The following MAP7 variants were observed in gnomAD, a reference collection of about 807,000 sequenced individuals.
The protein encoded by MAP7 is microtubule associated protein 7.
Under a neutral mutation model 94.8 loss-of-function variants are expected in MAP7, and 52 were observed. That is an observed-to-expected ratio of 0.55 (90% CI 0.44 to 0.69). MAP7 has a LOEUF of 0.69. MAP7 is among the 30% of genes least tolerant of loss of function. The pLI is 0.00. For missense variants in MAP7, 940 were observed against 964.6 expected, an observed-to-expected ratio of 0.97 and a Z score of 0.34; for synonymous variants, 350 against 357.0, an observed-to-expected ratio of 0.98 and a Z score of 0.22.
chr6:136,410,374 C>G (rs1787060491), intron 3 of MAP7, among the ~76,000 whole-genome samples: 1 of 152,198 alleles, frequency 6.6e-6, no homozygotes, highest in Non-Finnish European at 1.5e-5. Flanking sequence ...TTCAGCAGCT[C>G]TGCCTTCATC....
chr6:136,485,348 T>C lies in MAP7; in HGVS notation c.68-63549A>G, dbSNP rs149208778. 6.8e-3 allele frequency among the ~76,000 whole-genome samples: 1,034 copies of C among 152,314 alleles called. 18 individuals carry two copies. Among genetic ancestry groups the C allele is most frequent in the African/African-American group, 0.023 (963 of 41,552 alleles). ...TAGTTTTATTATTGCAGGATTGTCT[T>C]TAAAAGATATAGTTACACAATATTG... On this transcript the variant is annotated intron_variant, in intron 1 of 17. Transcript: ENST00000354570.
At chr6:136,456,767 G>GGAGGAATAA (rs1179338276) in intron 1 of MAP7, among the ~76,000 whole-genome samples, 3 of 60,520 alleles carry the variant, frequency 5.0e-5, no homozygotes, top group African/African-American at 2.2e-4. Context: ...AGGAGGAGGA[G>GGAGGAATAA]GAAGAAGAAG....
At chr6:136,395,860 G>C (rs767213186) in intron 3 of MAP7, among the ~76,000 whole-genome samples, 1 of 152,076 alleles carries the variant, frequency 6.6e-6, no homozygotes, top group African/African-American at 2.4e-5. Context: ...AAAATCAGTT[G>C]GCTGTAAATA....
intron 1 of MAP7, among the ~76,000 whole-genome samples, chr6:136,532,182 G>A (rs1388812391): frequency 1.3e-5 from 2 of 152,194 alleles, no homozygotes; most frequent in African/African-American, 4.8e-5. Context: ...AGCGCACTGA[G>A]GAAGTAAAAA....
At chr6:136,397,185 C>T (rs1055871968) in intron 3 of MAP7, among the ~76,000 whole-genome samples, 3 of 151,236 alleles carry the variant, frequency 2.0e-5, no homozygotes, top group African/African-American at 7.3e-5. Flanking sequence ...ATAGGTCATG[C>T]AATATTTTAA....
chr6:136,426,865 C>T (rs569489297), intron 1 of MAP7, among the ~76,000 whole-genome samples: 5 of 152,336 alleles, frequency 3.3e-5, no homozygotes, highest in African/African-American at 9.6e-5. Context: ...CTGTGAACTA[C>T]TTTAGCTTCA....
intron 1 of MAP7, among the ~76,000 whole-genome samples, chr6:136,524,900 A>G (rs939309402): frequency 2.6e-5 from 4 of 152,266 alleles, no homozygotes; most frequent in Non-Finnish European, 4.4e-5. Flanking sequence ...CAAGCTAAAA[A>G]TTAATCAGCA....
At chr6:136,401,482 G>A (rs1244934524) in intron 3 of MAP7, among the ~76,000 whole-genome samples, 5 of 152,174 alleles carry the variant, frequency 3.3e-5, no homozygotes, top group African/African-American at 1.2e-4. Context: ...TCCTTTGTAG[G>A]GACATGGATA....
At chr6:136,351,235 G>GT (rs1457907418) in intron 16 of MAP7, among the ~76,000 whole-genome samples, 2 of 141,572 alleles carry the variant, frequency 1.4e-5, no homozygotes, top group Non-Finnish European at 3.0e-5. Flanking sequence ...TGTTTTGATG[G>GT]TAAAAAAAAA....
chr6:136,500,777 A>T (rs913526216), intron 1 of MAP7, among the ~76,000 whole-genome samples: 15 of 152,200 alleles, frequency 9.9e-5, no homozygotes, highest in African/African-American at 3.1e-4. Flanking sequence ...TTATTTCTCT[A>T]ATTTTTTATT....
At chr6:136,379,942 G>T (rs923115203) in intron 6 of MAP7, among the ~76,000 whole-genome samples, 3 of 152,168 alleles carry the variant, frequency 2.0e-5, no homozygotes, top group African/African-American at 7.2e-5. Context: ...TGGAGACAGA[G>T]CGTCCGTAAG....
rs1006118462 is a variant in MAP7 at position 136,518,874 on chromosome 6, T to C, written c.67+31468A>G. ...ACTTAATTGTGTTTGGTTCCTATGA[T>C]TGGAGGAGTCAGCTCTTTTAGCTCC... On this transcript the variant is annotated intron_variant, in intron 1 of 17. Coordinates refer to ENST00000354570, the MANE Select transcript of MAP7 (RefSeq NM_003980.6). 4.6e-5 allele frequency among the ~76,000 whole-genome samples: 7 copies of C among 152,336 alleles called. 1 individual carries two copies. In the East Asian group the frequency reaches 7.7e-4, roughly 17 times the overall value.
At chr6:136,372,448 C>T (rs1774824843) in intron 8 of MAP7, 53 bp downstream of exon 8, 1 of 1,607,688 alleles carries the variant, frequency 6.2e-7, no homozygotes, top group Non-Finnish European at 8.5e-7. Flanking sequence ...ACAGTCTGCA[C>T]AGGAACAGCA....
chr6:136,355,528 T>A (rs1302342001), intron 16 of MAP7, among the ~76,000 whole-genome samples: 1 of 152,182 alleles, frequency 6.6e-6, no homozygotes, highest in Non-Finnish European at 1.5e-5. Flanking sequence ...GGGACTTACC[T>A]TTTAACTGCT....
chr6:136,540,069 T>C (rs1025906167), intron 1 of MAP7, among the ~76,000 whole-genome samples: 1 of 152,088 alleles, frequency 6.6e-6, no homozygotes, highest in African/African-American at 2.4e-5. Context: ...AGTTGAATAA[T>C]CCTGCTGAGA....
At chr6:136,370,001 A>C (rs1388702941) in intron 8 of MAP7, among the ~76,000 whole-genome samples, 3 of 152,224 alleles carry the variant, frequency 2.0e-5, no homozygotes, top group Non-Finnish European at 2.9e-5. Context: ...AACCTATGGA[A>C]TAGAAGAAAG....
rs73780210 is a variant in MAP7 at position 136,401,991 on chromosome 6, G to A, written c.244+9629C>T. Among the ~76,000 whole-genome samples the A allele has an allele frequency of 4.5e-3, 678 of 152,274 alleles. 4 individuals carry two copies. Among genetic ancestry groups the A allele is most frequent in the African/African-American group, 0.016 (648 of 41,554 alleles). On this transcript the variant is annotated intron_variant, in intron 3 of 17. Coordinates refer to ENST00000354570, the MANE Select transcript of MAP7 (RefSeq NM_003980.6). Reference sequence around the variant, plus strand: ...ATCTTCCTCAAGAAACAGACCTGAAGTCATTGTCGTGCTTGAAAACCTGTT... The same window carrying A: ...ATCTTCCTCAAGAAACAGACCTGAAATCATTGTCGTGCTTGAAAACCTGTT...
At chr6:136,384,282 T>G (rs990541667) in intron 5 of MAP7, among the ~76,000 whole-genome samples, 2 of 152,086 alleles carry the variant, frequency 1.3e-5, no homozygotes, top group Non-Finnish European at 2.9e-5. Context: ...AGAAGAAGGC[T>G]CGTTGTTGTT....
chr6:136,498,386 C>T (rs549839238), intron 1 of MAP7, among the ~76,000 whole-genome samples: 2 of 152,030 alleles, frequency 1.3e-5, no homozygotes, highest in Non-Finnish European at 2.9e-5. Context: ...CAGGACCTGC[C>T]CGATTCATGG....
Sources: allele counts gnomAD v4.1 joint callset (sites outside exome capture counted in the v4.1 genomes callset), GRCh38; gene constraint gnomAD v4.1.1; transcripts MANE v1.5; gene names NCBI Gene and HGNC (gene_info 2026-07-23, HGNC 2026-07-21).